Variants in NARS2 observed in about 807,000 individuals in gnomAD.
NARS2 encodes asparaginyl-tRNA synthetase.
In NARS2, 60 loss-of-function variants were observed where a neutral mutation model predicts 62.9. That is an observed-to-expected ratio of 0.95 (90% CI 0.77 to 1.18). The LOEUF is 1.18. Among genes scored for constraint, NARS2 ranks in the 50% most tolerant of loss-of-function variants. The pLI is 0.00. For synonymous variants in NARS2, 196 were observed against 200.0 expected (o/e 0.98, Z 0.17); for missense variants, 619 against 576.4 (o/e 1.07, Z -0.76).
intron 6 of NARS2, among the ~76,000 whole-genome samples, chr11:78,503,659 A>C (rs1419687994): frequency 6.6e-6 from 1 of 152,276 alleles, no homozygotes. Flanking sequence ...GAATGAAATA[A>C]AAATTTTCTA....
At chr11:78,509,616 G>A (rs1453899065) in intron 6 of NARS2, among the ~76,000 whole-genome samples, 1 of 152,014 alleles carries the variant, frequency 6.6e-6, no homozygotes, top group African/African-American at 2.4e-5. Context: ...TTTAATTTAA[G>A]AGGTTAATGC....
chr11:78,437,865 C>T (rs1184207371), intron 13 of NARS2, among the ~76,000 whole-genome samples: 2 of 151,020 alleles, frequency 1.3e-5, no homozygotes, highest in Non-Finnish European at 2.9e-5. Context: ...ATCCCAGCTA[C>T]TCAGGAGGCT....
intron 11 of NARS2, among the ~76,000 whole-genome samples, chr11:78,447,414 G>A (rs892272940): frequency 6.6e-6 from 1 of 152,090 alleles, no homozygotes; most frequent in African/African-American, 2.4e-5. Flanking sequence ...ATGTAAATTA[G>A]TACCGTCATT....
intron 3 of NARS2, among the ~76,000 whole-genome samples, chr11:78,567,689 G>A (rs763434337): frequency 2.1e-4 from 32 of 152,134 alleles, no homozygotes; most frequent in Non-Finnish European, 3.8e-4. Context: ...AATTAAGGAT[G>A]ACATTTTAAT....
At chr11:78,449,116 T>A (rs1448618363) in intron 11 of NARS2, among the ~76,000 whole-genome samples, 4 of 151,388 alleles carry the variant, frequency 2.6e-5, no homozygotes, top group Non-Finnish European at 5.9e-5. Flanking sequence ...CTAAACCTTT[T>A]GAGTCACCTA....
chr11:78,559,484 C>A, intron 5 of NARS2, 55 bp downstream of exon 5: 1 of 1,148,456 alleles, frequency 8.7e-7, no homozygotes. Flanking sequence ...TTCAAACCCT[C>A]AAATGAAAAA....
chr11:78,492,952 C>A, intron 7 of NARS2, 111 bp downstream of exon 7: 1 of 887,036 alleles, frequency 1.1e-6, no homozygotes, highest in Admixed American at 2.5e-5. Context: ...AGTAGTTACC[C>A]CTTCTTTTCA....
At chr11:78,569,113 T>C (rs1304367702) in intron 2 of NARS2, among the ~76,000 whole-genome samples, 2 of 152,074 alleles carry the variant, frequency 1.3e-5, no homozygotes, top group Admixed American at 6.6e-5. Context: ...CTCTGTCCTA[T>C]TTTTGCAATT....
In NARS2 at chr11:78,472,543, C is replaced by T. The variant is rs936623088; in HGVS notation, c.960-3230G>A. ...TAAAATAAACTGAATACAATTTCTG[C>T]ATAAAGGCTAAATTCCATTACTACA... On this transcript the variant is annotated intron_variant, in intron 9 of 13. Coordinates refer to ENST00000281038, the MANE Select transcript of NARS2 (RefSeq NM_024678.6). 2.6e-5 allele frequency among the ~76,000 whole-genome samples: 4 copies of T among 152,160 alleles called. No individual in the cohort carries two copies. The East Asian group carries it at 5.8e-4, about 22-fold the overall frequency.
At chr11:78,519,845 C>T (rs1235557633) in intron 6 of NARS2, among the ~76,000 whole-genome samples, 6 of 151,964 alleles carry the variant, frequency 3.9e-5, no homozygotes, top group East Asian at 1.9e-4. Flanking sequence ...GGACTACAGG[C>T]GCATGCCACC....
At chr11:78,552,041 C>A (rs187823566) in intron 5 of NARS2, among the ~76,000 whole-genome samples, 3 of 152,256 alleles carry the variant, frequency 2.0e-5, no homozygotes, top group Non-Finnish European at 4.4e-5. Flanking sequence ...ATGTGAAGGT[C>A]TGTTACATAA....
chr11:78,521,162 CTT>C (rs577154065), intron 6 of NARS2, among the ~76,000 whole-genome samples: 177 of 148,364 alleles, frequency 1.2e-3, no homozygotes, highest in African/African-American at 4.3e-3. Context: ...TATTCTCTCT[CTT>C]TCTTTTTTTT....
intron 11 of NARS2, among the ~76,000 whole-genome samples, chr11:78,459,197 G>A (rs1858290489): frequency 6.6e-6 from 1 of 150,894 alleles, no homozygotes; most frequent in African/African-American, 2.5e-5. Flanking sequence ...TTACAAGCAT[G>A]AGCCACGGCG....
intron 11 of NARS2, among the ~76,000 whole-genome samples, chr11:78,458,394 A>G (rs969008279): frequency 1.3e-5 from 2 of 152,200 alleles, no homozygotes; most frequent in African/African-American, 2.4e-5. Context: ...TCACAACTCC[A>G]TAATATATTA....
intron 11 of NARS2, among the ~76,000 whole-genome samples, chr11:78,456,288 C>T (rs536652233): frequency 6.6e-6 from 1 of 152,300 alleles, no homozygotes; most frequent in South Asian, 2.1e-4. Flanking sequence ...GTCTGTATCA[C>T]ACACATAAAA....
At chr11:78,545,529 T>C (rs1236601989) in intron 5 of NARS2, among the ~76,000 whole-genome samples, 3 of 150,656 alleles carry the variant, frequency 2.0e-5, no homozygotes, top group Non-Finnish European at 3.0e-5. Flanking sequence ...TTTTCCTTTT[T>C]TTTTTTTTTT....
rs532107016 is a variant in NARS2, at chr11:78,495,407, T to C, written c.690-2212A>G. ...AACTGTCACTTCCCCTTTGAATCCT[T>C]ACCATTCCCCCAAGTTTATTGCTCC... On this transcript the variant is annotated intron_variant, in intron 6 of 13. Transcript: ENST00000281038. 9.2e-5 allele frequency among the ~76,000 whole-genome samples: 14 copies of C among 152,322 alleles called. No homozygotes were observed. The East Asian group carries it at 2.5e-3, about 27-fold the overall frequency.
chr11:78,443,655 C>T lies in NARS2; in HGVS notation c.1262+6G>A, dbSNP rs185461968. 6.1e-4 allele frequency: 975 copies of T among 1,602,082 alleles called. 1 individual carries two copies. The highest frequency in any genetic ancestry group is 7.9e-4 in the Non-Finnish European group (925 of 1,169,348). On this transcript the variant is annotated splice_donor_region_variant and intron_variant, in intron 12 of 13. Transcript: ENST00000281038. ...CAATTGTGTTTCTTTTAGGTCTGAC[C>T]AGTACCTGGCTAAGCGCTCCTCTAA...
intron 5 of NARS2, among the ~76,000 whole-genome samples, chr11:78,537,938 G>A (rs771154932): frequency 6.6e-6 from 1 of 152,126 alleles, no homozygotes; most frequent in Non-Finnish European, 1.5e-5. Context: ...GGTTACAGTC[G>A]CCTATAGTCA....
Sources: allele counts gnomAD v4.1 joint callset (sites outside exome capture counted in the v4.1 genomes callset), GRCh38; gene constraint gnomAD v4.1.1; transcripts MANE v1.5; gene names NCBI Gene and HGNC (gene_info 2026-07-23, HGNC 2026-07-21).